FOXN4: variants seen among roughly 807,000 people sequenced by gnomAD.
FOXN4 encodes forkhead box protein N4.
A neutral mutation model predicts 45.0 loss-of-function variants in FOXN4; 12 were observed. That is an observed-to-expected ratio of 0.27 (90% CI 0.17 to 0.43). FOXN4 has a LOEUF of 0.43. FOXN4 is among the 20% of genes least tolerant of loss of function. The pLI is 1.00. For synonymous variants in FOXN4, 297 were observed against 295.0 expected, an observed-to-expected ratio of 1.01 and a Z score of -0.07; for missense variants, 560 against 694.9, an observed-to-expected ratio of 0.81 and a Z score of 2.18.
At chr12:109,298,582 C>T (rs565864232) in intron 2 of FOXN4, among the ~76,000 whole-genome samples, 1 of 152,162 alleles carries the variant, frequency 6.6e-6, no homozygotes, top group Admixed American at 6.5e-5. Flanking sequence ...AGACTGGTCT[C>T]GAATTCCTGA....
intron 7 of FOXN4, 65 bp from the exon 8 acceptor site, chr12:109,285,576 C>A: frequency 6.4e-7 from 1 of 1,562,810 alleles, no homozygotes; most frequent in Non-Finnish European, 8.8e-7. Context: ...CGGGGATCTC[C>A]TACTCAGGCC....
At position 109,278,064 on chromosome 12, in the gene FOXN4, T is replaced by C. The variant is rs2047621766; in HGVS notation, c.*1607A>G. Reference sequence around the variant, plus strand: ...TGCCCAAACACGGAGTCTTTGTGAATAACAGTTTCAACATCTTATCAGGGG... The same window carrying C: ...TGCCCAAACACGGAGTCTTTGTGAACAACAGTTTCAACATCTTATCAGGGG... On this transcript the variant is annotated 3_prime_UTR_variant, in exon 10 of 10. Coordinates refer to ENST00000299162, the MANE Select transcript of FOXN4 (RefSeq NM_213596.3). 6.6e-6 allele frequency: 1 copy of C among 152,234 alleles called. No individual in the cohort carries two copies. The highest frequency in any genetic ancestry group is 2.4e-5 in the African/African-American group (1 of 41,458). 9.4% of individuals were successfully genotyped at this position (152,234 alleles called of 1,614,324 possible). A position where few individuals can be genotyped will look rare whatever the true frequency, so the allele number is the denominator to read the frequency against.
Position 109,278,991 on chromosome 12 carries a change from C to A in FOXN4, c.*680G>T, listed in dbSNP as rs1196346462. 1 of 152,388 alleles carries A rather than the reference C, an allele frequency of 6.6e-6. No homozygotes were observed. Among genetic ancestry groups the A allele is most frequent in the African/African-American group, 2.4e-5 (1 of 41,382 alleles). The allele number at this position is 152,388 out of a possible 1,614,324, so 9.4% of individuals were successfully genotyped here. A position where few individuals can be genotyped will look rare whatever the true frequency, so the allele number is the denominator to read the frequency against. On this transcript the variant is annotated 3_prime_UTR_variant, in exon 10 of 10. Coordinates refer to ENST00000299162, the MANE Select transcript of FOXN4 (RefSeq NM_213596.3). The stretch of plus-strand genomic sequence containing the variant: ...GGTTTGCAGAAGTGGGGTGGATGGG[C>A]CACAATAAATATAAATAAATTTACA...
Position 109,282,964 on chromosome 12 carries a change from C to A in FOXN4, c.902-1165G>T, listed in dbSNP as rs887654820. Among the ~76,000 whole-genome samples, 5 of 151,146 alleles carry A rather than the reference C, an allele frequency of 3.3e-5. No individual in the cohort carries two copies. The South Asian group carries it at 8.4e-4, about 25-fold the overall frequency. ...TCGGTGGGGTGGGCGCGATGTCATA[C>A]CCCCTCAACTGAGGGACCATTGGCT... On this transcript the variant is annotated intron_variant, in intron 8 of 9. Transcript: ENST00000299162.
chr12:109,288,056 G>T lies in FOXN4; in HGVS notation c.357C>A (p.Ser119Arg). ...GLGPITGHRD[S>R]MSQFPVGGQP... ...CCGCAGTCCATGCAGTGCCACTTAC[G>T]CTGTCTCTGTGGCCAGTTATGGGGC... Residue 119 changes from serine to arginine, a missense_variant and splice_region_variant, in exon 4 of 10, where the codon AGC (serine) becomes AGA (arginine). By Grantham distance (110) the Ser-to-Arg change is moderately radical (BLOSUM62 -1). Around this residue, in one of 5 missense-constraint regions of FOXN4, gnomAD observed 142 missense variants for 185.7 expected, o/e 0.76. Coordinates refer to ENST00000299162, the MANE Select transcript of FOXN4 (RefSeq NM_213596.3). This position sits in a 1 kb window ranked among gnomAD's most constrained non-coding sequence, Gnocchi z 4.3. The T allele has an allele frequency of 6.5e-7, 1 of 1,550,050 alleles. No homozygotes were observed.
At position 109,290,106 on chromosome 12, in the gene FOXN4, A is replaced by T; in HGVS notation, c.232+35T>A. On this transcript the variant is annotated intron_variant, in intron 3 of 9. Transcript: ENST00000299162. This position sits in a 1 kb window ranked among gnomAD's most constrained non-coding sequence, Gnocchi z 5.1. ...CTGGGAATCACCCCTCTCCTATATC[A>T]CCCTCCTCCCTGCCTACCTTGTCCC... 6.6e-7 allele frequency: 1 copy of T among 1,511,810 alleles called. No individual in the cohort carries two copies. Among genetic ancestry groups the T allele is most frequent in the African/African-American group, 1.4e-5 (1 of 72,144 alleles). 93.6% of individuals were successfully genotyped at this position (1,511,810 alleles called of 1,614,324 possible).
chr12:109,292,209 A>G (rs1183844056), intron 2 of FOXN4, among the ~76,000 whole-genome samples: 1 of 152,082 alleles, frequency 6.6e-6, no homozygotes, highest in East Asian at 1.9e-4. Context: ...GTGACTCCCC[A>G]CTGCCCTGGC....
Position 109,287,725 on chromosome 12 carries a change from C to A in FOXN4, c.468+119G>T. On this transcript the variant is annotated intron_variant, in intron 5 of 9. Coordinates refer to ENST00000299162, the MANE Select transcript of FOXN4 (RefSeq NM_213596.3). The surrounding 1 kb of genome is among the most constrained non-coding windows in gnomAD (Gnocchi z 4.1). ...GGAATGAATGACCCCATGACATGAG[C>A]ATGGAGGGAATGTTATCCCCATGTG... 1 of 1,136,324 alleles carries A rather than the reference C, an allele frequency of 8.8e-7. No individual in the cohort carries two copies. The highest frequency in any genetic ancestry group is 1.2e-6 in the Non-Finnish European group (1 of 820,718). The allele number at this position is 1,136,324 out of a possible 1,614,324, so 70.4% of individuals were successfully genotyped here.
In FOXN4 at chr12:109,309,044, GGGTCTCTACCCT is replaced by G. The variant is rs936399170; in HGVS notation, c.-4+63_-4+74del. 2.6e-5 allele frequency: 4 copies of G among 152,232 alleles called. No individual in the cohort carries two copies. Among genetic ancestry groups the G allele is most frequent in the African/African-American group, 9.6e-5 (4 of 41,452 alleles). The allele number at this position is 152,232 out of a possible 1,614,324, so 9.4% of individuals were successfully genotyped here. A position where few individuals can be genotyped will look rare whatever the true frequency, so the allele number is the denominator to read the frequency against. On this transcript the variant is annotated intron_variant, in intron 1 of 9. Coordinates refer to ENST00000299162, the MANE Select transcript of FOXN4 (RefSeq NM_213596.3). The surrounding 1 kb of genome is among the most constrained non-coding windows in gnomAD (Gnocchi z 5.0). ...AGGCGGCCCCGCAGCCCCTGCGCCC[GGGTCTCTACCCT>G]GGAAATGCAATGCCCGGCATTGCCC...
rs768544919 is a variant in FOXN4, at chr12:109,281,564, G to A, written c.1137C>T (p.Ala379=). 6.2e-7 allele frequency: 1 copy of A among 1,608,154 alleles called. No individual in the cohort carries two copies. The highest frequency in any genetic ancestry group is 8.5e-7 in the Non-Finnish European group (1 of 1,177,174). Residue 379 remains alanine (A), a synonymous_variant, in exon 9 of 10, where the codon GCC becomes GCT. Coordinates refer to ENST00000299162, the MANE Select transcript of FOXN4 (RefSeq NM_213596.3). ...GCAGGGCGTGCAGTGGCGGGGTCTG[G>A]GCTGGTGCTGGAGAGTCTGGAGCAA... ...AHLAPDSPAP[A]QTPPLHALPD... is the part of the protein sequence containing the mutation.
chr12:109,288,334 T>A lies in FOXN4; in HGVS notation c.233-154A>T, dbSNP rs967959804. 2.6e-5 allele frequency among the ~76,000 whole-genome samples: 4 copies of A among 152,272 alleles called. No individual in the cohort carries two copies. Among genetic ancestry groups the A allele is most frequent in the African/African-American group, 9.6e-5 (4 of 41,552 alleles). On this transcript the variant is annotated intron_variant, in intron 3 of 9. Coordinates refer to ENST00000299162, the MANE Select transcript of FOXN4 (RefSeq NM_213596.3). This position sits in a 1 kb window ranked among gnomAD's most constrained non-coding sequence, Gnocchi z 4.3. Reference sequence around the variant, plus strand: ...TGCTTGGCAAATCACTTCCCTGGTGTGTAGTGAAAAGTAGGTTCTTACCAG... The same window carrying A: ...TGCTTGGCAAATCACTTCCCTGGTGAGTAGTGAAAAGTAGGTTCTTACCAG...
chr12:109,303,802 A>G (rs754493332), intron 2 of FOXN4, among the ~76,000 whole-genome samples: 7 of 152,210 alleles, frequency 4.6e-5, no homozygotes, highest in African/African-American at 9.6e-5. Context: ...GATTAATAAT[A>G]TAAGTTCTGC....
At chr12:109,296,693 C>T (rs1032381140) in intron 2 of FOXN4, among the ~76,000 whole-genome samples, 3 of 152,264 alleles carry the variant, frequency 2.0e-5, no homozygotes, top group South Asian at 2.1e-4. Flanking sequence ...GACCCTCATG[C>T]CCCCAGGGGA....
intron 6 of FOXN4, 72 bp from the exon 7 acceptor site, chr12:109,286,816 T>C (rs1333510055): frequency 6.6e-7 from 1 of 1,518,960 alleles, no homozygotes; most frequent in Non-Finnish European, 8.8e-7. Context: ...GGTCTCAGGC[T>C]GACAGCCCAA....
intron 2 of FOXN4, among the ~76,000 whole-genome samples, chr12:109,298,694 G>A (rs558724174): frequency 2.0e-5 from 3 of 152,250 alleles, no homozygotes; most frequent in East Asian, 1.9e-4. Flanking sequence ...CAAAGACCCC[G>A]ACATTTGTGG....
chr12:109,298,520 C>A (rs2047840035), intron 2 of FOXN4, among the ~76,000 whole-genome samples: 1 of 152,104 alleles, frequency 6.6e-6, no homozygotes, highest in Admixed American at 6.5e-5. Context: ...CACCACTACA[C>A]CCAGCTAATT....
chr12:109,285,604 G>T, intron 7 of FOXN4, 93 bp from the exon 8 acceptor site: 3 of 1,299,028 alleles, frequency 2.3e-6, no homozygotes, highest in Non-Finnish European at 2.2e-6. Context: ...GCAGGACACC[G>T]CGGTGGCAGG....
chr12:109,284,753 G>C (rs1246391515), intron 8 of FOXN4, among the ~76,000 whole-genome samples: 1 of 152,000 alleles, frequency 6.6e-6, no homozygotes, highest in Non-Finnish European at 1.5e-5. Flanking sequence ...TCTTCTGTGT[G>C]TGTGTGTTTG....
Position 109,279,474 on chromosome 12 carries a change from C to G in FOXN4, c.*197G>C. 1 of 767,612 alleles carries G rather than the reference C, an allele frequency of 1.3e-6. No individual in the cohort carries two copies. Among genetic ancestry groups the G allele is most frequent in the Non-Finnish European group, 2.0e-6 (1 of 491,488 alleles). 47.6% of individuals were successfully genotyped at this position (767,612 alleles called of 1,614,324 possible). On this transcript the variant is annotated 3_prime_UTR_variant, in exon 10 of 10. Coordinates refer to ENST00000299162, the MANE Select transcript of FOXN4 (RefSeq NM_213596.3). ...TTGGAAGAGCCCCCAGAAACTGCTCCGGAAGCTCCAGGGGGAGGCACGAGA... is the reference window on the plus strand; with the variant it reads ...TTGGAAGAGCCCCCAGAAACTGCTCGGGAAGCTCCAGGGGGAGGCACGAGA...
Sources: allele counts gnomAD v4.1 joint callset (sites outside exome capture counted in the v4.1 genomes callset), GRCh38; gene constraint gnomAD v4.1.1; regional missense constraint gnomAD v4.1.1; non-coding constraint Gnocchi (gnomAD v3.1); transcripts MANE v1.5; gene names NCBI Gene and HGNC (gene_info 2026-07-23, HGNC 2026-07-21).